The following CELF3 variants were observed in gnomAD, a reference collection of about 807,000 sequenced individuals.
CELF3 encodes CAG repeat domain.
In CELF3, 26 loss-of-function variants were observed where a neutral mutation model predicts 59.6. The ratio of observed to expected loss-of-function variants is 0.44; its 90% CI spans 0.32 to 0.61. CELF3 has a LOEUF of 0.61. CELF3 is among the 20% of genes least tolerant of loss of function. The probability of loss-of-function intolerance (pLI) is 0.06; values close to 1 mark genes in which losing one functional copy is unlikely to be tolerated. For synonymous variants in CELF3, 245 were observed against 250.7 expected (o/e 0.98, Z 0.22); for missense variants, 387 against 627.2 (o/e 0.62, Z 4.09).
chr1:151,707,710 G>GC, intron 6 of CELF3, 62 bp from the exon 7 acceptor site: 1 of 1,599,012 alleles, frequency 6.3e-7, no homozygotes, highest in Non-Finnish European at 8.5e-7. Context: ...CTCCCTCCCA[G>GC]CCCGGGGCCT....
chr1:151,710,459 GAGA>G (rs577152314), intron 2 of CELF3: 109 of 334,562 alleles, frequency 3.3e-4, no homozygotes, highest in African/African-American at 2.0e-3. Flanking sequence ...CACACACCCA[GAGA>G]AGGAGTGGGG....
chr1:151,710,961 C>A lies in CELF3; in HGVS notation c.229-1170G>T, dbSNP rs186010213. On this transcript the variant is annotated intron_variant, in intron 2 of 12. Coordinates refer to ENST00000290583, the MANE Select transcript of CELF3 (RefSeq NM_007185.7). Reference sequence around the variant, plus strand: ...GAGGACTCTGACAGCTGGAACCACACCTGGTTGCCCCACTCATCTGATGGT... The same window carrying A: ...GAGGACTCTGACAGCTGGAACCACAACTGGTTGCCCCACTCATCTGATGGT... The A allele has an allele frequency of 2.3e-5, 9 of 393,438 alleles. No homozygotes were observed. In the East Asian group the frequency reaches 6.5e-4, roughly 28 times the overall value. The allele number at this position is 393,438 out of a possible 1,614,324, so 24.4% of individuals were successfully genotyped here.
At chr1:151,704,212 G>T (rs1326880601) in intron 12 of CELF3, among the ~76,000 whole-genome samples, 1 of 152,024 alleles carries the variant, frequency 6.6e-6, no homozygotes, top group Non-Finnish European at 1.5e-5. Context: ...CCCCAGGGTT[G>T]GGGGAGTTAA....
intron 1 of CELF3, 48 bp downstream of exon 1, chr1:151,715,828 A>C (rs2101491291): frequency 6.3e-7 from 1 of 1,594,508 alleles, no homozygotes; most frequent in Non-Finnish European, 8.6e-7. Context: ...AACTTCCCCC[A>C]GCCTCCCAGC....
rs762101984 is a variant in CELF3, at chr1:151,705,979, GAGAC to G, written c.1127-18_1127-15del. On this transcript the variant is annotated splice_polypyrimidine_tract_variant and intron_variant, in intron 10 of 12. Coordinates refer to ENST00000290583, the MANE Select transcript of CELF3 (RefSeq NM_007185.7). The surrounding 1 kb of genome is among the most constrained non-coding windows in gnomAD (Gnocchi z 5.1). ...AGCCATCAGGGCCTGGGTGGCGACA[GAGAC>G]AGAAGAAAGAGCTCAGTGACTGGGA... 2.5e-6 allele frequency: 4 copies of G among 1,613,482 alleles called. No individual in the cohort carries two copies. The African/African-American group carries it at 5.3e-5, about 22-fold the overall frequency.
intron 1 of CELF3, 50 bp from the exon 2 acceptor site, chr1:151,714,726 C>T (rs1673322110): frequency 2.3e-6 from 3 of 1,288,180 alleles, no homozygotes; most frequent in East Asian, 5.0e-5. Flanking sequence ...AGTCCTCCAT[C>T]TCCCCTCTCT....
intron 12 of CELF3, among the ~76,000 whole-genome samples, chr1:151,703,799 G>C (rs1239168534): frequency 3.3e-5 from 5 of 152,110 alleles, no homozygotes; most frequent in African/African-American, 1.2e-4. Context: ...AGAAGGGGGT[G>C]CGTGTAAGAG....
Position 151,705,089 on chromosome 1 carries a change from G to T in CELF3, c.1350C>A (p.Arg450=). 6.2e-7 allele frequency: 1 copy of T among 1,614,004 alleles called. No individual in the cohort carries two copies. The highest frequency in any genetic ancestry group is 8.5e-7 in the Non-Finnish European group (1 of 1,179,896). Residue 450 remains arginine (R), a synonymous_variant, in exon 12 of 13, where the codon CGC becomes CGA. Transcript: ENST00000290583. The surrounding 1 kb of genome is among the most constrained non-coding windows in gnomAD (Gnocchi z 5.1). ...TAGGCCGCTTTAGCTGGACTTTGAG[G>T]CGCTTCATGCCGATCTGGAAGCCAT... is the stretch of plus-strand genomic sequence containing the variant. The part of the protein sequence containing the change: ...AMNGFQIGMK[R]LKVQLKRPKD...
At position 151,708,869 on chromosome 1, in the gene CELF3, C is replaced by T. The variant is rs1181321147; in HGVS notation, c.486+129G>A. 3.6e-6 allele frequency: 3 copies of T among 828,838 alleles called. No homozygotes were observed. In the African/African-American group the frequency reaches 5.1e-5, roughly 14 times the overall value. The allele number at this position is 828,838 out of a possible 1,614,324, so 51.3% of individuals were successfully genotyped here. On this transcript the variant is annotated intron_variant, in intron 5 of 12. Transcript: ENST00000290583. ...GAGGGTGTCCCTAAGCAGTTTGGTT[C>T]TTCTGCCAGGACATTCCTTTCCAAT...
In CELF3 at chr1:151,707,230, G is replaced by T; in HGVS notation, c.837C>A (p.Val279=). The T allele has an allele frequency of 6.4e-7, 1 of 1,553,266 alleles. No individual in the cohort carries two copies. ...PVSAIPAALG[V]NGYSPVPTQP... ...GGGTGGGCACCGGGCTGTAGCCGTT[G>T]ACGCCCAGGGCAGCCGGAATGGCAG... Residue 279 remains valine, a synonymous_variant, in exon 8 of 13, where the codon GTC becomes GTA. Coordinates refer to ENST00000290583, the MANE Select transcript of CELF3 (RefSeq NM_007185.7).
chr1:151,707,654 G>T lies in CELF3; in HGVS notation c.631-6C>A, dbSNP rs1213494847. The T allele has an allele frequency of 6.2e-7, 1 of 1,605,330 alleles. No individual in the cohort carries two copies. Among genetic ancestry groups the T allele is most frequent in the Non-Finnish European group, 8.5e-7 (1 of 1,177,458 alleles). On this transcript the variant is annotated splice_polypyrimidine_tract_variant and splice_region_variant and intron_variant, in intron 6 of 12. Coordinates refer to ENST00000290583, the MANE Select transcript of CELF3 (RefSeq NM_007185.7). ...GCCGCCTGCTGCTGCATCAGCTGGG[G>T]GGAGGGGAGAGGAGAGTGGGGCAGG...
intron 2 of CELF3, among the ~76,000 whole-genome samples, chr1:151,712,651 AG>A (rs1425680686): frequency 6.6e-6 from 1 of 152,212 alleles, no homozygotes; most frequent in East Asian, 1.9e-4. Flanking sequence ...GGGAACTCTT[AG>A]GGGAGAGAAA....
chr1:151,716,348 CG>C lies in CELF3; in HGVS notation c.-329del. 3.2e-6 allele frequency: 1 copy of C among 315,622 alleles called. No individual in the cohort carries two copies. Among genetic ancestry groups the C allele is most frequent in the Non-Finnish European group, 6.0e-6 (1 of 167,292 alleles). The allele number at this position is 315,622 out of a possible 1,614,324, so 19.6% of individuals were successfully genotyped here. The stretch of plus-strand genomic sequence containing the variant: ...AAGACCTGGAGGGTTAGGTGGTAGC[CG>C]GGGGTGCTAGGGCTTAGAGGGCTGG... On this transcript the variant is annotated 5_prime_UTR_variant, in exon 1 of 13. Transcript: ENST00000290583.
At chr1:151,707,060 G>T in intron 8 of CELF3, 85 bp downstream of exon 8, 1 of 1,357,460 alleles carries the variant, frequency 7.4e-7, no homozygotes, top group East Asian at 2.7e-5. Context: ...CCCCAAAGCT[G>T]GGAGGGAAGG....
chr1:151,707,126 G>A lies in CELF3; in HGVS notation c.922+19C>T. On this transcript the variant is annotated intron_variant, in intron 8 of 12. Transcript: ENST00000290583. ...TTTAGATGGTTGCTGGGACGGAGTG[G>A]GCAGGCAGAGAGTCCCACCTGGGTA... 6.8e-7 allele frequency: 1 copy of A among 1,466,862 alleles called. No homozygotes were observed. Among genetic ancestry groups the A allele is most frequent in the South Asian group, 1.5e-5 (1 of 67,188 alleles). The allele number at this position is 1,466,862 out of a possible 1,614,324, so 90.9% of individuals were successfully genotyped here.
At position 151,709,902 on chromosome 1, in the gene CELF3, G is replaced by A; in HGVS notation, c.229-111C>T. On this transcript the variant is annotated intron_variant, in intron 2 of 12. Coordinates refer to ENST00000290583, the MANE Select transcript of CELF3 (RefSeq NM_007185.7). This position sits in a 1 kb window ranked among gnomAD's most constrained non-coding sequence, Gnocchi z 4.9. Reference sequence around the variant, plus strand: ...GAGGGGCAAGCCCCAGGCCCTCTAAGTTTCTGATGGGAAGGAAGGGACAGG... The same window carrying A: ...GAGGGGCAAGCCCCAGGCCCTCTAAATTTCTGATGGGAAGGAAGGGACAGG... 2.0e-6 allele frequency: 2 copies of A among 995,938 alleles called. No individual in the cohort carries two copies. Among genetic ancestry groups the A allele is most frequent in the Non-Finnish European group, 3.2e-6 (2 of 617,802 alleles). 61.7% of individuals were successfully genotyped at this position (995,938 alleles called of 1,614,324 possible).
intron 2 of CELF3, chr1:151,710,844 G>T (rs1170078744): frequency 4.4e-6 from 2 of 456,430 alleles, no homozygotes; most frequent in Admixed American, 4.7e-5. Context: ...ACTCCTGCAG[G>T]TTGATTTTCT....
rs764595508 is a variant in CELF3 at position 151,705,036 on chromosome 1, G to T, written c.*5C>A. The T allele has an allele frequency of 6.2e-7, 1 of 1,610,716 alleles. No individual in the cohort carries two copies. The highest frequency in any genetic ancestry group is 8.5e-7 in the Non-Finnish European group (1 of 1,177,546). Reference sequence around the variant, plus strand: ...CACAACGGAGCGGGACCCACCTGGGGGCCCTCAGTAGGGCCGGTTGGCATC... The same window carrying T: ...CACAACGGAGCGGGACCCACCTGGGTGCCCTCAGTAGGGCCGGTTGGCATC... On this transcript the variant is annotated 3_prime_UTR_variant, in exon 12 of 13. Coordinates refer to ENST00000290583, the MANE Select transcript of CELF3 (RefSeq NM_007185.7). The surrounding 1 kb of genome is among the most constrained non-coding windows in gnomAD (Gnocchi z 5.1).
At position 151,705,028 on chromosome 1, in the gene CELF3, C is replaced by T; in HGVS notation, c.*10+3G>A. On this transcript the variant is annotated splice_donor_region_variant and intron_variant, in intron 12 of 12. Coordinates refer to ENST00000290583, the MANE Select transcript of CELF3 (RefSeq NM_007185.7). The surrounding 1 kb of genome is among the most constrained non-coding windows in gnomAD (Gnocchi z 5.1). Reference sequence around the variant, plus strand: ...AGGGAGGCCACAACGGAGCGGGACCCACCTGGGGGCCCTCAGTAGGGCCGG... The same window carrying T: ...AGGGAGGCCACAACGGAGCGGGACCTACCTGGGGGCCCTCAGTAGGGCCGG... 6.2e-7 allele frequency: 1 copy of T among 1,609,212 alleles called. No homozygotes were observed. The highest frequency in any genetic ancestry group is 8.5e-7 in the Non-Finnish European group (1 of 1,176,558).
Sources: gnomAD v4.1 joint callset for allele counts (sites outside exome capture counted in the v4.1 genomes callset) on GRCh38, gnomAD v4.1.1 for gene constraint, Gnocchi (gnomAD v3.1) non-coding constraint, MANE v1.5 for transcripts, NCBI Gene and HGNC (gene_info 2026-07-23, HGNC 2026-07-21) for gene names.